Variants in GRM7 observed in about 807,000 individuals in gnomAD.
GRM7 encodes the protein glutamate metabotropic receptor 7, also known as metabotropic glutamate receptor 7.
A neutral mutation model predicts 84.5 loss-of-function variants in GRM7; 35 were observed. The ratio of observed to expected loss-of-function variants is 0.41; its 90% CI spans 0.32 to 0.55. The LOEUF is 0.55. GRM7 is among the 20% of genes least tolerant of loss of function. The pLI, the probability that GRM7 is intolerant of heterozygous loss-of-function variation, is 0.19. For synonymous variants in GRM7, 487 were observed against 455.1 expected (o/e 1.07, Z -0.89); for missense variants, 1,003 against 1,194.6 (o/e 0.84, Z 2.36).
At chr3:7,465,788 C>G (rs1698439050) in intron 7 of GRM7, among the ~76,000 whole-genome samples, 1 of 152,136 alleles carries the variant, frequency 6.6e-6, no homozygotes, top group South Asian at 2.1e-4. Flanking sequence ...AAATGAATTT[C>G]TGAGCCAAGA....
intron 2 of GRM7, among the ~76,000 whole-genome samples, chr3:7,297,429 T>A (rs567979567): frequency 1.3e-5 from 2 of 152,290 alleles, no homozygotes; most frequent in South Asian, 4.1e-4. Context: ...AAATATTGCA[T>A]TTGTGCTTGA....
intron 1 of GRM7, among the ~76,000 whole-genome samples, chr3:6,981,438 A>G (rs1235463743): frequency 6.6e-6 from 1 of 152,226 alleles, no homozygotes; most frequent in Non-Finnish European, 1.5e-5. Flanking sequence ...ATGAGGCTCC[A>G]TGAGTATCTT....
chr3:7,294,447 G>T (rs1301468672), intron 2 of GRM7, among the ~76,000 whole-genome samples: 1 of 151,938 alleles, frequency 6.6e-6, no homozygotes. Context: ...GACTGTCATC[G>T]CCATTGCCCA....
rs1341869821 is a variant in GRM7 at position 7,135,496 on chromosome 3, C to T, written c.520-10956C>T. On this transcript the variant is annotated intron_variant, in intron 1 of 9. Coordinates refer to ENST00000357716, the MANE Select transcript of GRM7 (RefSeq NM_000844.4). ...GTTTTGTGGAAACTACCCTCTAGAACTAGCATTAGTGAATTTTGTTTTGCC... is the reference window on the plus strand; with the variant it reads ...GTTTTGTGGAAACTACCCTCTAGAATTAGCATTAGTGAATTTTGTTTTGCC... Among the ~76,000 whole-genome samples, 4 of 152,260 alleles carry T rather than the reference C, an allele frequency of 2.6e-5. No homozygotes were observed. In the East Asian group the frequency reaches 7.7e-4, roughly 29 times the overall value.
chr3:6,906,194 G>C (rs564227783), intron 1 of GRM7, among the ~76,000 whole-genome samples: 2 of 152,096 alleles, frequency 1.3e-5, no homozygotes, highest in African/African-American at 2.4e-5. Context: ...GGCAATGGGG[G>C]CACTTGATTC....
chr3:7,712,130 G>C (rs753198972), intron 9 of GRM7, among the ~76,000 whole-genome samples: 6 of 152,194 alleles, frequency 3.9e-5, no homozygotes, highest in Non-Finnish European at 7.3e-5. Flanking sequence ...GCAGTGGAGG[G>C]AAGTGCCAGA....
chr3:7,460,850 T>C (rs928271271), intron 6 of GRM7, among the ~76,000 whole-genome samples: 2 of 151,886 alleles, frequency 1.3e-5, no homozygotes, highest in African/African-American at 4.9e-5. Flanking sequence ...TAGATACAGA[T>C]ATAGATATAG....
chr3:7,732,747 C>G (rs1245402071), intron 9 of GRM7, among the ~76,000 whole-genome samples: 2 of 152,168 alleles, frequency 1.3e-5, no homozygotes, highest in East Asian at 1.9e-4. Context: ...CACACTGGTA[C>G]TGGTACTCTC....
intron 2 of GRM7, among the ~76,000 whole-genome samples, chr3:7,148,709 A>G (rs1465701230): frequency 6.6e-6 from 1 of 152,192 alleles, no homozygotes; most frequent in Non-Finnish European, 1.5e-5. Context: ...AGATGCTCTT[A>G]TAATATGATC....
chr3:7,687,760 T>C (rs530340448), intron 9 of GRM7, among the ~76,000 whole-genome samples: 23 of 152,308 alleles, frequency 1.5e-4, no homozygotes, highest in African/African-American at 5.5e-4. Flanking sequence ...CGAATATAAA[T>C]AAAATCTTTC....
At chr3:7,717,389 C>T (rs139532774) in intron 9 of GRM7, among the ~76,000 whole-genome samples, 4 of 152,148 alleles carry the variant, frequency 2.6e-5, no homozygotes, top group Admixed American at 6.5e-5. Flanking sequence ...AAAAATTGCA[C>T]AGGTGGTTGC....
intron 2 of GRM7, among the ~76,000 whole-genome samples, chr3:7,195,577 G>T (rs997224608): frequency 1.3e-5 from 2 of 152,074 alleles, no homozygotes; most frequent in Admixed American, 6.6e-5. Context: ...GAATTAAATT[G>T]GCTTCAAAAG....
At chr3:6,913,110 C>G (rs1159121006) in intron 1 of GRM7, among the ~76,000 whole-genome samples, 4 of 152,268 alleles carry the variant, frequency 2.6e-5, no homozygotes, top group South Asian at 4.1e-4. Context: ...TCATTTGATA[C>G]TCAAAGAAAT....
At chr3:6,879,237 G>T (rs1030940960) in intron 1 of GRM7, among the ~76,000 whole-genome samples, 1 of 152,098 alleles carries the variant, frequency 6.6e-6, no homozygotes, top group Non-Finnish European at 1.5e-5. Context: ...TTCAAATCTA[G>T]AAAGTCTGAT....
chr3:7,093,495 T>A (rs376194203), intron 1 of GRM7, among the ~76,000 whole-genome samples: 3 of 151,412 alleles, frequency 2.0e-5, no homozygotes, highest in Non-Finnish European at 2.9e-5. Flanking sequence ...CTGTCCAATA[T>A]GGTGAAACCC....
At chr3:7,168,504 C>A (rs939029968) in intron 2 of GRM7, among the ~76,000 whole-genome samples, 1 of 152,104 alleles carries the variant, frequency 6.6e-6, no homozygotes, top group Non-Finnish European at 1.5e-5. Context: ...AAGGTGTGAC[C>A]TGCAAACCGG....
At chr3:6,931,172 G>A (rs549880303) in intron 1 of GRM7, among the ~76,000 whole-genome samples, 2 of 152,322 alleles carry the variant, frequency 1.3e-5, no homozygotes, top group East Asian at 1.9e-4. Context: ...ATCAGGAAGT[G>A]CAAGACAGTA....
chr3:7,261,704 C>T (rs567058134), intron 2 of GRM7, among the ~76,000 whole-genome samples: 1 of 152,160 alleles, frequency 6.6e-6, no homozygotes, highest in African/African-American at 2.4e-5. Flanking sequence ...TGTGTACTTA[C>T]GTGTGTCTTG....
At chr3:7,468,374 C>G (rs1698548196) in intron 7 of GRM7, among the ~76,000 whole-genome samples, 1 of 152,126 alleles carries the variant, frequency 6.6e-6, no homozygotes. Context: ...GGCTTTAAAG[C>G]TGAACTGATT....
Sources: allele counts gnomAD v4.1 joint callset (sites outside exome capture counted in the v4.1 genomes callset), GRCh38; gene constraint gnomAD v4.1.1; transcripts MANE v1.5; gene names NCBI Gene and HGNC (gene_info 2026-07-23, HGNC 2026-07-21).